LRP1B: variants seen among roughly 807,000 people sequenced by gnomAD.
LRP1B encodes LDL receptor related protein 1B, also known as low-density lipoprotein receptor-related protein 1B.
Under a neutral mutation model 556.6 loss-of-function variants are expected in LRP1B, and 217 were observed. The ratio of observed to expected loss-of-function variants is 0.39; its 90% CI spans 0.35 to 0.44. The LOEUF (loss-of-function observed/expected upper bound fraction) is 0.44, where lower values mean the gene tolerates loss of function less well. LRP1B is among the 20% of genes least tolerant of loss of function. The probability of loss-of-function intolerance (pLI) is 1.00; values close to 1 mark genes in which losing one functional copy is unlikely to be tolerated. For synonymous variants in LRP1B, 2,047 were observed against 1,865.8 expected, an observed-to-expected ratio of 1.10 and a Z score of -2.50; for missense variants, 5,053 against 5,620.8, an observed-to-expected ratio of 0.90 and a Z score of 3.23.
At chr2:140,474,203 T>C (rs1687874895) in intron 60 of LRP1B, among the ~76,000 whole-genome samples, 1 of 151,988 alleles carries the variant, frequency 6.6e-6, no homozygotes. Flanking sequence ...TATTAAGTGG[T>C]GTAACTTTGG....
chr2:141,115,474 T>TTTTGG (rs1574088122), intron 7 of LRP1B, among the ~76,000 whole-genome samples: 1 of 149,690 alleles, frequency 6.7e-6, no homozygotes, highest in East Asian at 2.0e-4. Context: ...TTTTTTTTTT[T>TTTTGG]GAGATGGATT....
At chr2:141,328,955 A>C (rs1425789342) in intron 3 of LRP1B, among the ~76,000 whole-genome samples, 1 of 152,114 alleles carries the variant, frequency 6.6e-6, no homozygotes, top group Non-Finnish European at 1.5e-5. Flanking sequence ...TTAAATGACT[A>C]CCTTTTTGAG....
At chr2:141,437,209 C>T (rs75816096) in intron 3 of LRP1B, among the ~76,000 whole-genome samples, 8,178 of 152,062 alleles carry the variant, frequency 0.054, 296 homozygotes, top group South Asian at 0.14. Context: ...ATGAATATTC[C>T]TGTTCTTTCC....
chr2:141,415,277 T>TCG (rs1386928374), intron 3 of LRP1B, among the ~76,000 whole-genome samples: 1 of 152,116 alleles, frequency 6.6e-6, no homozygotes, highest in Non-Finnish European at 1.5e-5. Context: ...CCTCCCAAAG[T>TCG]GCTGGGATTA....
chr2:141,624,235 G>A (rs1055192020), intron 2 of LRP1B, among the ~76,000 whole-genome samples: 2 of 151,872 alleles, frequency 1.3e-5, no homozygotes, highest in Non-Finnish European at 2.9e-5. Context: ...AATTTTTATT[G>A]CAAGCCAGTC....
At chr2:140,942,453 A>G (rs568065719) in intron 20 of LRP1B, among the ~76,000 whole-genome samples, 1 of 152,266 alleles carries the variant, frequency 6.6e-6, no homozygotes, top group South Asian at 2.1e-4. Context: ...CCTGCAAGAT[A>G]CATACAAGAT....
intron 35 of LRP1B, among the ~76,000 whole-genome samples, chr2:140,759,755 C>T (rs533056110): frequency 1.2e-4 from 18 of 152,264 alleles, no homozygotes; most frequent in African/African-American, 2.6e-4. Context: ...ACATTCAGCG[C>T]GCCTTGGTGA....
chr2:141,385,015 T>C (rs561485692), intron 3 of LRP1B, among the ~76,000 whole-genome samples: 1 of 152,152 alleles, frequency 6.6e-6, no homozygotes, highest in Non-Finnish European at 1.5e-5. Context: ...TTATCCTGTG[T>C]CTTTCTAATA....
At chr2:141,173,617 G>A (rs1321213778) in intron 7 of LRP1B, among the ~76,000 whole-genome samples, 9 of 152,064 alleles carry the variant, frequency 5.9e-5, no homozygotes. Context: ...TTTCTCACTT[G>A]TTCCTCCTGC....
chr2:140,949,796 C>T (rs1290025052), intron 20 of LRP1B, among the ~76,000 whole-genome samples: 4 of 151,526 alleles, frequency 2.6e-5, no homozygotes, highest in African/African-American at 9.7e-5. Context: ...AAAAATTAGC[C>T]GGGCATGGTG....
chr2:140,367,394 C>T (rs1315126174), intron 71 of LRP1B, among the ~76,000 whole-genome samples: 1 of 151,766 alleles, frequency 6.6e-6, no homozygotes, highest in African/African-American at 2.4e-5. Flanking sequence ...ATTGCCATCT[C>T]TGAGAACCAC....
At chr2:141,239,889 A>T (rs1327746228) in intron 5 of LRP1B, among the ~76,000 whole-genome samples, 1 of 152,086 alleles carries the variant, frequency 6.6e-6, no homozygotes, top group Non-Finnish European at 1.5e-5. Flanking sequence ...AAAATTTATA[A>T]GTAAGATCAC....
intron 77 of LRP1B, among the ~76,000 whole-genome samples, chr2:140,345,338 T>C (rs915415515): frequency 7.3e-5 from 11 of 151,690 alleles, no homozygotes; most frequent in African/African-American, 2.2e-4. Flanking sequence ...CTCATTCACT[T>C]GATTTCTTAG....
intron 18 of LRP1B, among the ~76,000 whole-genome samples, chr2:140,969,154 T>A (rs999802506): frequency 2.0e-5 from 3 of 152,220 alleles, no homozygotes; most frequent in Admixed American, 2.0e-4. Flanking sequence ...ATTATTATTC[T>A]GTGGGAGTCT....
At chr2:140,839,448 A>C (rs1454004754) in intron 31 of LRP1B, among the ~76,000 whole-genome samples, 3 of 152,170 alleles carry the variant, frequency 2.0e-5, no homozygotes, top group African/African-American at 7.2e-5. Context: ...CTGGGTGGGC[A>C]CCACCTAATC....
chr2:141,695,287 T>C (rs1327579310), intron 2 of LRP1B, among the ~76,000 whole-genome samples: 2 of 152,010 alleles, frequency 1.3e-5, no homozygotes, highest in Admixed American at 6.6e-5. Flanking sequence ...GCAAATTTAC[T>C]GCATTTATAT....
intron 3 of LRP1B, among the ~76,000 whole-genome samples, chr2:141,359,765 G>A (rs551533555): frequency 0.069 from 6,031 of 87,086 alleles, 164 homozygotes; most frequent in African/African-American, 0.15. Flanking sequence ...CCCGCGCCCC[G>A]CCCCGCCCCG....
chr2:141,835,803 T>TACAC (rs147841421), intron 1 of LRP1B, among the ~76,000 whole-genome samples: 38 of 150,124 alleles, frequency 2.5e-4, no homozygotes, highest in East Asian at 1.9e-3. Flanking sequence ...TAGTGAGGTA[T>TACAC]ACACACACAC....
At chr2:141,428,516 T>C (rs1214447055) in intron 3 of LRP1B, among the ~76,000 whole-genome samples, 1 of 152,208 alleles carries the variant, frequency 6.6e-6, no homozygotes, top group African/African-American at 2.4e-5. Context: ...GTGATGTACA[T>C]CTTTCACCCC....
Sources: allele counts gnomAD v4.1 joint callset (sites outside exome capture counted in the v4.1 genomes callset), GRCh38; gene constraint gnomAD v4.1.1; transcripts MANE v1.5; gene names NCBI Gene and HGNC (gene_info 2026-07-23, HGNC 2026-07-21).